The following PLEKHA7 variants were observed in gnomAD, a reference collection of about 807,000 sequenced individuals.
PLEKHA7 encodes pleckstrin homology domain-containing family A member 7.
A neutral mutation model predicts 170.0 loss-of-function variants in PLEKHA7; 104 were observed. That is an observed-to-expected ratio of 0.61 (90% confidence interval 0.52 to 0.72). The LOEUF (loss-of-function observed/expected upper bound fraction) is 0.72. PLEKHA7 is among the 30% of genes least tolerant of loss of function. PLEKHA7 has a pLI of 0.00. For missense variants in PLEKHA7, 1,615 were observed against 1,671.7 expected, an observed-to-expected ratio of 0.97 and a Z score of 0.59; for synonymous variants, 648 against 660.8, an observed-to-expected ratio of 0.98 and a Z score of 0.30.
chr11:16,782,513 A>G (rs111901409), intron 26 of PLEKHA7, among the ~76,000 whole-genome samples: 4,774 of 152,214 alleles, frequency 0.031, 92 homozygotes, highest in Middle Eastern at 0.1. Flanking sequence ...TTCCCCAGAC[A>G]CTTCTGAGCT....
chr11:16,977,566 TC>T (rs1863147717), intron 3 of PLEKHA7, among the ~76,000 whole-genome samples: 2 of 152,296 alleles, frequency 1.3e-5, no homozygotes, highest in South Asian at 4.1e-4. Context: ...CACCCTCTTC[TC>T]CATATCCCCT....
chr11:16,780,895 G>A (rs1848971974), intron 26 of PLEKHA7: 1 of 711,740 alleles, frequency 1.4e-6, no homozygotes. Flanking sequence ...CTCAGCGCTA[G>A]GGAGGTGCAG....
intron 26 of PLEKHA7, among the ~76,000 whole-genome samples, chr11:16,780,664 G>A (rs1022657171): frequency 2.0e-5 from 3 of 152,222 alleles, no homozygotes; most frequent in Non-Finnish European, 4.4e-5. Context: ...GGAGAGCAGG[G>A]GATGGGGGCA....
intron 3 of PLEKHA7, among the ~76,000 whole-genome samples, chr11:16,907,658 C>CCCGG (rs1243673054): frequency 1.5e-5 from 2 of 132,752 alleles, no homozygotes; most frequent in African/African-American, 5.3e-5. Flanking sequence ...AGCCCCTCTG[C>CCCGG]CCGGCCAGCC....
intron 3 of PLEKHA7, among the ~76,000 whole-genome samples, chr11:16,946,041 A>T (rs1436662454): frequency 6.6e-6 from 1 of 152,266 alleles, no homozygotes; most frequent in East Asian, 1.9e-4. Context: ...GATGCCCTCC[A>T]CTGTCGTTTC....
chr11:16,907,779 G>A (rs1261811396), intron 3 of PLEKHA7, among the ~76,000 whole-genome samples: 1 of 147,074 alleles, frequency 6.8e-6, no homozygotes, highest in Non-Finnish European at 1.5e-5. Context: ...ACAGCTCATT[G>A]AGAACGGGCC....
At chr11:16,796,633 C>T (rs796444201) in intron 17 of PLEKHA7, among the ~76,000 whole-genome samples, 1 of 152,012 alleles carries the variant, frequency 6.6e-6, no homozygotes, top group Admixed American at 6.6e-5. Flanking sequence ...ACCACTGAAA[C>T]GTATACTTTA....
At chr11:16,926,069 C>G (rs1590636138) in intron 3 of PLEKHA7, among the ~76,000 whole-genome samples, 2 of 152,332 alleles carry the variant, frequency 1.3e-5, no homozygotes, top group Non-Finnish European at 2.9e-5. Context: ...CTGTCGTCTC[C>G]CCTCCAAGAG....
chr11:16,917,730 T>A (rs1858796590), intron 3 of PLEKHA7, among the ~76,000 whole-genome samples: 1 of 152,244 alleles, frequency 6.6e-6, no homozygotes, highest in South Asian at 2.1e-4. Context: ...GGTAACATAT[T>A]CACAGGTTCT....
intron 3 of PLEKHA7, among the ~76,000 whole-genome samples, chr11:16,916,792 T>C (rs1028446354): frequency 1.4e-4 from 21 of 152,292 alleles, no homozygotes; most frequent in South Asian, 8.3e-4. Flanking sequence ...GCTCTTTTTT[T>C]CCCACCATAA....
chr11:16,967,226 T>C (rs1862427602), intron 3 of PLEKHA7, among the ~76,000 whole-genome samples: 1 of 152,236 alleles, frequency 6.6e-6, no homozygotes, highest in Non-Finnish European at 1.5e-5. Context: ...CAAACGCTTC[T>C]GTGGCTTTGC....
intron 3 of PLEKHA7, chr11:16,881,281 C>T (rs764802799): frequency 6.6e-6 from 1 of 152,254 alleles, no homozygotes; most frequent in Non-Finnish European, 1.5e-5. Flanking sequence ...GGGACACACT[C>T]ACCCTCCCTT....
At chr11:16,855,073 C>T (rs534025266) in intron 5 of PLEKHA7, 80 bp from the exon 6 acceptor site, 14 of 1,178,938 alleles carry the variant, frequency 1.2e-5, no homozygotes, top group Admixed American at 1.0e-4. Flanking sequence ...GGAGGACCGT[C>T]GGCTCTCTCT....
chr11:16,815,601 T>C (rs1014182524), intron 12 of PLEKHA7, among the ~76,000 whole-genome samples: 3 of 152,144 alleles, frequency 2.0e-5, no homozygotes, highest in South Asian at 4.1e-4. Flanking sequence ...CTCGGCTCAC[T>C]GCAAACTCCA....
intron 3 of PLEKHA7, among the ~76,000 whole-genome samples, chr11:16,982,760 T>C: frequency 7.5e-6 from 1 of 133,666 alleles, no homozygotes; most frequent in Admixed American, 8.3e-5. Context: ...CTCTCAGACT[T>C]CACCTCCCTC....
At chr11:16,815,415 C>G (rs745527040) in intron 12 of PLEKHA7, 4 of 152,480 alleles carry the variant, frequency 2.6e-5, no homozygotes, top group Non-Finnish European at 4.4e-5. Context: ...TAAGCAATTA[C>G]TGTGTCAATT....
intron 3 of PLEKHA7, among the ~76,000 whole-genome samples, chr11:16,951,612 C>T (rs60844970): frequency 0.017 from 2,613 of 152,236 alleles, 88 homozygotes; most frequent in African/African-American, 0.061. Context: ...AGGGTCATGC[C>T]ATCATCTAGG....
rs1230879474 is a variant in PLEKHA7, at chr11:16,811,915, C to T, written c.2007+1198G>A. 3.3e-5 allele frequency among the ~76,000 whole-genome samples: 5 copies of T among 152,324 alleles called. No individual in the cohort carries two copies. The East Asian group carries it at 9.7e-4, about 29-fold the overall frequency. On this transcript the variant is annotated intron_variant, in intron 13 of 26. Transcript: ENST00000531066. ...TCTCAACCAGCCCCAGCACCCCTGG[C>T]TCTTCAAAGCTTCAAACACATGCCA...
rs1590086961 is a variant in PLEKHA7, at chr11:16,778,633, A to T, written c.*365T>A. The stretch of plus-strand genomic sequence containing the variant: ...GCCCCGCCCTTCCTGCCCCCACAAC[A>T]CCTGTCACCCAGAAGTACCTGAATC... On this transcript the variant is annotated 3_prime_UTR_variant, in exon 27 of 27. Coordinates refer to ENST00000531066, the MANE Select transcript of PLEKHA7 (RefSeq NM_001329630.2). 1 of 265,604 alleles carries T rather than the reference A, an allele frequency of 3.8e-6. No individual in the cohort carries two copies. The allele number at this position is 265,604 out of a possible 1,614,324, so 16.5% of individuals were successfully genotyped here. A position where few individuals can be genotyped will look rare whatever the true frequency, so the allele number is the denominator to read the frequency against.
Sources: allele counts gnomAD v4.1 joint callset (sites outside exome capture counted in the v4.1 genomes callset), GRCh38; gene constraint gnomAD v4.1.1; transcripts MANE v1.5; gene names NCBI Gene and HGNC (gene_info 2026-07-23, HGNC 2026-07-21).